Variants in PSME4 observed in about 807,000 individuals in gnomAD.
The protein encoded by PSME4 is proteasome activator complex subunit 4.
In PSME4, 89 loss-of-function variants were observed where a neutral mutation model predicts 253.9. The ratio of observed to expected loss-of-function variants is 0.35; its 90% CI spans 0.30 to 0.42. The LOEUF is 0.42. Ranked by LOEUF, PSME4 falls within the 10% of genes least tolerant of loss-of-function variation. The pLI, the probability that PSME4 is intolerant of heterozygous loss-of-function variation, is 1.00. For synonymous variants in PSME4, 851 were observed against 759.2 expected (o/e 1.12, Z -1.99); for missense variants, 2,014 against 2,195.2 (o/e 0.92, Z 1.65).
chr2:53,907,910 C>A, intron 24 of PSME4: 1 of 159,138 alleles, frequency 6.3e-6, no homozygotes, highest in Non-Finnish European at 1.4e-5. Flanking sequence ...CTCTTTCTTC[C>A]AAGGCCCCAA....
intron 20 of PSME4, among the ~76,000 whole-genome samples, chr2:53,916,649 A>G (rs17045392): frequency 0.027 from 4,182 of 152,296 alleles, 240 homozygotes; most frequent in East Asian, 0.22. Flanking sequence ...TAGATTTAGA[A>G]GATTTGAACA....
At chr2:53,969,288 A>T (rs987065137) in intron 1 of PSME4, among the ~76,000 whole-genome samples, 3 of 152,198 alleles carry the variant, frequency 2.0e-5, no homozygotes, top group Admixed American at 6.5e-5. Context: ...ACATTTTATG[A>T]TCACTCTCTG....
chr2:53,940,679 GA>G (rs1475425710), intron 3 of PSME4, among the ~76,000 whole-genome samples: 1 of 150,966 alleles, frequency 6.6e-6, no homozygotes, highest in African/African-American at 2.4e-5. Context: ...CACGTGACCA[GA>G]ATGGAATATT....
intron 4 of PSME4, 96 bp from the exon 5 acceptor site, chr2:53,937,636 G>T (rs2104465218): frequency 2.7e-6 from 3 of 1,123,996 alleles, no homozygotes; most frequent in Non-Finnish European, 3.9e-6. Flanking sequence ...GGGAGGAGGA[G>T]AATATATGTC....
chr2:53,933,271 G>A (rs545554052), intron 8 of PSME4: 12 of 152,474 alleles, frequency 7.9e-5, no homozygotes, highest in Non-Finnish European at 1.7e-4. Context: ...CCAACTACTC[G>A]GGAGGCTGTG....
intron 20 of PSME4, among the ~76,000 whole-genome samples, chr2:53,917,009 C>T (rs1335195635): frequency 6.6e-6 from 1 of 151,468 alleles, no homozygotes; most frequent in Non-Finnish European, 1.5e-5. Context: ...ACGTATTATT[C>T]AATTATTTTT....
intron 4 of PSME4, 75 bp downstream of exon 4, chr2:53,939,880 CT>C (rs1669306501): frequency 1.5e-6 from 2 of 1,311,810 alleles, no homozygotes; most frequent in Admixed American, 3.9e-5. Context: ...TTTTCATTTC[CT>C]TTTCAAACCA....
At chr2:53,895,149 G>C in intron 33 of PSME4, 73 bp from the exon 34 acceptor site, 1 of 1,354,326 alleles carries the variant, frequency 7.4e-7, no homozygotes, top group Non-Finnish European at 1.0e-6. Context: ...GAAAGCATTA[G>C]AAGGCACTTT....
At chr2:53,866,458 G>T (rs2104405472) in intron 45 of PSME4, among the ~76,000 whole-genome samples, 1 of 152,250 alleles carries the variant, frequency 6.6e-6, no homozygotes, top group East Asian at 1.9e-4. Flanking sequence ...TGCAGTGCTA[G>T]AAAAATAGAA....
Position 53,906,692 on chromosome 2 carries a change from A to G in PSME4, c.2849T>C (p.Leu950Pro). 3 of 1,598,598 alleles carry G rather than the reference A, an allele frequency of 1.9e-6. No individual in the cohort carries two copies. Among genetic ancestry groups the G allele is most frequent in the Non-Finnish European group, 2.6e-6 (3 of 1,173,866 alleles). Residue 950 changes from leucine to proline, a missense_variant and splice_region_variant, in exon 26 of 47, where the codon CTA becomes CCA. Physicochemically the swap from Leu to Pro is moderately conservative, Grantham distance 98 (BLOSUM62 -3). Transcript: ENST00000404125. Reference protein sequence around the residue: ...LIDRVMLQHELRTLTVEGCEY... With the variant: ...LIDRVMLQHEPRTLTVEGCEY... ...ACAACCCTCAACAGTTAGTGTCCGT[A>G]GCTAAGAAAACAATCGCAAACATTT...
intron 1 of PSME4, among the ~76,000 whole-genome samples, chr2:53,967,679 A>AAAAAAAAAC (rs1670808609): frequency 2.1e-5 from 3 of 140,018 alleles, no homozygotes; most frequent in African/African-American, 8.3e-5. Flanking sequence ...AAAAAAAAAA[A>AAAAAAAAAC]GTCAAAAAGA....
At chr2:53,885,234 T>G (rs1679583098) in intron 41 of PSME4, among the ~76,000 whole-genome samples, 1 of 152,228 alleles carries the variant, frequency 6.6e-6, no homozygotes, top group Non-Finnish European at 1.5e-5. Context: ...CATTATATCA[T>G]ACCAGAGGCA....
intron 20 of PSME4, among the ~76,000 whole-genome samples, chr2:53,918,636 ATT>A (rs938589396): frequency 6.6e-6 from 1 of 151,842 alleles, no homozygotes; most frequent in Non-Finnish European, 1.5e-5. Flanking sequence ...TTCTAACTTA[ATT>A]TTTTTTCACC....
At chr2:53,884,556 G>T (rs1042592061) in intron 41 of PSME4, among the ~76,000 whole-genome samples, 85 of 152,294 alleles carry the variant, frequency 5.6e-4, no homozygotes, top group Middle Eastern at 6.8e-3. Flanking sequence ...TAAACTTCAA[G>T]TGGATTCAAA....
At chr2:53,949,476 G>C (rs1464365885) in intron 1 of PSME4, among the ~76,000 whole-genome samples, 193 bp from the exon 2 acceptor site, 1 of 149,612 alleles carries the variant, frequency 6.7e-6, no homozygotes, top group Non-Finnish European at 1.5e-5. Context: ...ACATTTCATG[G>C]AAAACTTTTT....
intron 26 of PSME4, among the ~76,000 whole-genome samples, chr2:53,905,482 C>T (rs1045587186): frequency 6.6e-6 from 1 of 152,132 alleles, no homozygotes; most frequent in Admixed American, 6.5e-5. Context: ...AGGCAGATCG[C>T]TTGAGCCCAG....
In PSME4 at chr2:53,932,721, A is replaced by G. The variant is rs759176116; in HGVS notation, c.997T>C (p.Leu333=). The part of the protein sequence containing the change: ...SKLVQKHLAG[L]FNSITSFYHP... The stretch of plus-strand genomic sequence containing the variant: ...TAAAAAGATGTGATGCTGTTAAACA[A>G]ACCAGCTAAGTGTTTTTGCACTAGC... Residue 333 remains leucine, a synonymous_variant, in exon 9 of 47, where the codon TTG becomes CTG. Coordinates refer to ENST00000404125, the MANE Select transcript of PSME4 (RefSeq NM_014614.3). 4.2e-5 allele frequency: 68 copies of G among 1,614,062 alleles called. 1 individual carries two copies. In the South Asian group the frequency reaches 7.1e-4, roughly 17 times the overall value.
At chr2:53,891,335 G>A (rs889772094) in intron 36 of PSME4, among the ~76,000 whole-genome samples, 6 of 152,124 alleles carry the variant, frequency 3.9e-5, no homozygotes, top group Admixed American at 3.9e-4. Context: ...TTGATAAAAT[G>A]CAGATTGATT....
intron 20 of PSME4, 101 bp from the exon 21 acceptor site, chr2:53,910,231 A>C: frequency 3.3e-6 from 3 of 922,674 alleles, no homozygotes; most frequent in Non-Finnish European, 5.3e-6. Flanking sequence ...AACAAAGATA[A>C]TGTTCTTTTA....
Sources: gnomAD v4.1 joint callset for allele counts (sites outside exome capture counted in the v4.1 genomes callset) on GRCh38, gnomAD v4.1.1 for gene constraint, MANE v1.5 for transcripts, NCBI Gene and HGNC (gene_info 2026-07-23, HGNC 2026-07-21) for gene names.